The following GRID1 variants were observed in gnomAD, a reference collection of about 807,000 sequenced individuals.
GRID1 encodes the protein glutamate ionotropic receptor delta type subunit 1.
A neutral mutation model predicts 98.0 loss-of-function variants in GRID1; 28 were observed. That is an observed-to-expected ratio of 0.29 (90% CI 0.21 to 0.39). The LOEUF is 0.39. Ranked by LOEUF, GRID1 falls within the 10% of genes least tolerant of loss-of-function variation. The pLI, the probability that GRID1 is intolerant of heterozygous loss-of-function variation, is 1.00. For synonymous variants in GRID1, 553 were observed against 538.5 expected (o/e 1.03, Z -0.37); for missense variants, 1,111 against 1,340.5 (o/e 0.83, Z 2.67).
chr10:85,664,920 TTAAA>T (rs1219561515), intron 12 of GRID1, among the ~76,000 whole-genome samples: 1 of 152,164 alleles, frequency 6.6e-6, no homozygotes, highest in Non-Finnish European at 1.5e-5. Context: ...GTGGTAAAAA[TTAAA>T]TGATGTAATT....
intron 5 of GRID1, among the ~76,000 whole-genome samples, chr10:85,914,808 T>A (rs1316554438): frequency 6.6e-6 from 1 of 152,164 alleles, no homozygotes; most frequent in Admixed American, 6.5e-5. Context: ...CATTAGAAAT[T>A]GATCAGTAAT....
chr10:86,019,348 A>G (rs899241849), intron 4 of GRID1, among the ~76,000 whole-genome samples: 3 of 152,162 alleles, frequency 2.0e-5, no homozygotes, highest in African/African-American at 4.8e-5. Flanking sequence ...TCCCCTGGGA[A>G]CCTCTCTACA....
chr10:86,049,602 TA>T (rs1459039186), intron 4 of GRID1, among the ~76,000 whole-genome samples: 1 of 152,146 alleles, frequency 6.6e-6, no homozygotes, highest in Admixed American at 6.5e-5. Context: ...ATCCAGCCAT[TA>T]CCCAGCAATG....
At chr10:86,293,809 C>T (rs1035899491) in intron 2 of GRID1, among the ~76,000 whole-genome samples, 1 of 152,174 alleles carries the variant, frequency 6.6e-6, no homozygotes, top group Non-Finnish European at 1.5e-5. Context: ...CCACAAACGT[C>T]GTCAGCGCTG....
chr10:85,920,460 T>C (rs1841687165), intron 4 of GRID1, among the ~76,000 whole-genome samples: 4 of 152,094 alleles, frequency 2.6e-5, no homozygotes. Flanking sequence ...CTTCCTTCAT[T>C]CAACAGACAG....
intron 12 of GRID1, chr10:85,709,117 G>T: frequency 3.0e-6 from 1 of 337,094 alleles, no homozygotes; most frequent in Non-Finnish European, 6.0e-6. Context: ...CTTTGAGATG[G>T]TATACCAGCA....
chr10:86,217,392 C>T (rs916093169), intron 2 of GRID1, among the ~76,000 whole-genome samples: 3 of 152,182 alleles, frequency 2.0e-5, no homozygotes, highest in South Asian at 2.1e-4. Context: ...TTTAGAATAA[C>T]GTTTGTTACA....
At chr10:86,327,746 C>CA (rs895333779) in intron 2 of GRID1, among the ~76,000 whole-genome samples, 9 of 152,120 alleles carry the variant, frequency 5.9e-5, no homozygotes, top group African/African-American at 2.2e-4. Context: ...ATTGGACTGA[C>CA]AAAAATTAAG....
intron 2 of GRID1, among the ~76,000 whole-genome samples, chr10:86,312,348 T>C (rs1246176464): frequency 6.6e-6 from 1 of 152,234 alleles, no homozygotes; most frequent in Non-Finnish European, 1.5e-5. Flanking sequence ...TCCCTTTCTT[T>C]GCTGGAGCTA....
At chr10:86,227,459 A>G (rs1222508107) in intron 2 of GRID1, among the ~76,000 whole-genome samples, 2 of 152,162 alleles carry the variant, frequency 1.3e-5, no homozygotes, top group African/African-American at 4.8e-5. Context: ...TCTTGGGCTA[A>G]CTGCTCACAG....
At chr10:85,770,855 T>C (rs1842257591) in intron 8 of GRID1, among the ~76,000 whole-genome samples, 1 of 152,196 alleles carries the variant, frequency 6.6e-6, no homozygotes, top group Non-Finnish European at 1.5e-5. Flanking sequence ...CTGATTGGTG[T>C]ACCTGAAAGT....
rs149962227 is a variant in GRID1, at chr10:86,051,074, G to A, written c.726+87745C>T. Among the ~76,000 whole-genome samples the A allele has an allele frequency of 5.4e-3, 805 of 149,616 alleles. 7 individuals carry two copies. Among genetic ancestry groups the A allele is most frequent in the African/African-American group, 0.018 (752 of 40,914 alleles). The stretch of plus-strand genomic sequence containing the variant: ...GCCTGGGCAACCAGAGTGAAACTCC[G>A]TCTCAAAAAAAAAATGTGTATATAT... On this transcript the variant is annotated intron_variant, in intron 4 of 15. Coordinates refer to ENST00000327946, the MANE Select transcript of GRID1 (RefSeq NM_017551.3).
At chr10:85,697,799 G>C (rs1841410253) in intron 12 of GRID1, among the ~76,000 whole-genome samples, 2 of 152,146 alleles carry the variant, frequency 1.3e-5, no homozygotes, top group South Asian at 4.2e-4. Flanking sequence ...TCTAACCAGA[G>C]GCACTGCTTT....
intron 2 of GRID1, among the ~76,000 whole-genome samples, chr10:86,247,052 C>T (rs901794838): frequency 1.3e-5 from 2 of 152,242 alleles, no homozygotes; most frequent in Admixed American, 1.3e-4. Context: ...CCTGGAACAC[C>T]ACAGGTGTCA....
intron 3 of GRID1, among the ~76,000 whole-genome samples, chr10:86,182,464 T>A (rs1845670214): frequency 6.6e-6 from 1 of 152,232 alleles, no homozygotes; most frequent in Non-Finnish European, 1.5e-5. Context: ...ATTACCGTGC[T>A]GTCTGAGTTC....
chr10:85,607,562 G>T (rs544155547), intron 15 of GRID1, among the ~76,000 whole-genome samples: 14 of 152,246 alleles, frequency 9.2e-5, no homozygotes, highest in African/African-American at 2.2e-4. Flanking sequence ...AGGAGATGGT[G>T]GGCAGTTTTT....
At position 85,736,218 on chromosome 10, in the gene GRID1, G is replaced by A. The variant is rs1447845003; in HGVS notation, c.1234-6604C>T. 4.7e-5 allele frequency among the ~76,000 whole-genome samples: 6 copies of A among 126,910 alleles called. No individual in the cohort carries two copies. The Admixed American group carries it at 5.1e-4, about 11-fold the overall frequency. The allele number at this position is 126,910 out of a possible 152,430, so 83.3% of individuals were successfully genotyped here. A position where few individuals can be genotyped will look rare whatever the true frequency, so the allele number is the denominator to read the frequency against. Reference sequence around the variant, plus strand: ...AAGGAAGGAAGGAAGCAAAGAAGGAGGGAAGGAAGGAGAGAAGGAGGGAAG... The same window carrying A: ...AAGGAAGGAAGGAAGCAAAGAAGGAAGGAAGGAAGGAGAGAAGGAGGGAAG... On this transcript the variant is annotated intron_variant, in intron 8 of 15. Coordinates refer to ENST00000327946, the MANE Select transcript of GRID1 (RefSeq NM_017551.3).
intron 6 of GRID1, among the ~76,000 whole-genome samples, chr10:85,862,014 T>A (rs1177706777): frequency 2.0e-5 from 3 of 152,070 alleles, no homozygotes; most frequent in Admixed American, 1.3e-4. Context: ...CCACATCACA[T>A]CACCAAGGGC....
At chr10:85,867,747 T>C (rs1378201735) in intron 6 of GRID1, among the ~76,000 whole-genome samples, 3 of 152,188 alleles carry the variant, frequency 2.0e-5, no homozygotes, top group Non-Finnish European at 4.4e-5. Flanking sequence ...TCCACCGCCT[T>C]AGAAAGACCC....
Sources: gnomAD v4.1 joint callset for allele counts (sites outside exome capture counted in the v4.1 genomes callset) on GRCh38, gnomAD v4.1.1 for gene constraint, MANE v1.5 for transcripts, NCBI Gene and HGNC (gene_info 2026-07-23, HGNC 2026-07-21) for gene names.